The following UNKL variants were observed in gnomAD, a reference collection of about 807,000 sequenced individuals.
The protein encoded by UNKL is unk like zinc finger, also known as putative E3 ubiquitin-protein ligase UNKL.
Under a neutral mutation model 78.0 loss-of-function variants are expected in UNKL, and 60 were observed. The ratio of observed to expected loss-of-function variants is 0.77; its 90% CI spans 0.63 to 0.95. UNKL has a LOEUF of 0.95. UNKL is among the 40% of genes least tolerant of loss of function. The pLI is 0.00. For synonymous variants in UNKL, 608 were observed against 474.8 expected, an observed-to-expected ratio of 1.28 and a Z score of -3.65; for missense variants, 1,159 against 1,045.7, an observed-to-expected ratio of 1.11 and a Z score of -1.49.
At position 1,395,873 on chromosome 16, in the gene UNKL, C is replaced by A. The variant is rs766528243; in HGVS notation, c.852+1305G>T. ...CAGAAAGCATGATGCGCGTCTGTGA[C>A]AACATGAGTCAAGAAACGACGGGAA... On this transcript the variant is annotated intron_variant, in intron 6 of 14. Coordinates refer to ENST00000389221, the MANE Select transcript of UNKL (RefSeq NM_001372107.1). The A allele has an allele frequency of 6.0e-4, 250 of 417,668 alleles. 1 individual carries two copies. The highest frequency in any genetic ancestry group is 1.1e-3 in the Non-Finnish European group (211 of 199,868). 25.9% of individuals were successfully genotyped at this position (417,668 alleles called of 1,614,324 possible).
At chr16:1,371,299 G>T (rs1156331626) in intron 11 of UNKL, among the ~76,000 whole-genome samples, 1 of 152,200 alleles carries the variant, frequency 6.6e-6, no homozygotes, top group Non-Finnish European at 1.5e-5. Flanking sequence ...GGGAAAGGGA[G>T]AGGCAGTCAG....
Position 1,370,245 on chromosome 16 carries a change from G to C in UNKL, c.1470C>G (p.Ser490=). ...SASTSPLGSL[S]QPLPGPVGSS... is the part of the protein sequence containing the mutation. The stretch of plus-strand genomic sequence containing the variant: ...AGCCCACCGGCCCTGGGAGGGGCTG[G>C]GACAGCGAACCGAGCGGCGAGGTGG... The change falls in exon 12 of 15, where the codon TCC becomes TCG. Residue 490 remains serine (S), a synonymous_variant. Coordinates refer to ENST00000389221, the MANE Select transcript of UNKL (RefSeq NM_001372107.1). 6 of 1,535,188 alleles carry C rather than the reference G, an allele frequency of 3.9e-6. No homozygotes were observed. Among genetic ancestry groups the C allele is most frequent in the Non-Finnish European group, 5.2e-6 (6 of 1,142,892 alleles).
intron 10 of UNKL, among the ~76,000 whole-genome samples, chr16:1,375,179 G>A (rs558994217): frequency 5.9e-5 from 9 of 152,288 alleles, no homozygotes; most frequent in South Asian, 4.1e-4. Context: ...TGGCCCCAGC[G>A]GAGCACAGGC....
rs2037610031 is a variant in UNKL at position 1,403,241 on chromosome 16, A to G, written c.391T>C (p.Cys131Arg). ...CIHETDARGHCVKNGLHCAFA... is the reference protein window; with the variant it reads ...CIHETDARGHRVKNGLHCAFA... ...GCACAGTGCAGCCCATTCTTCACGC[A>G]GTGGCCACGTGCGTCTGTCTCGTGG... is the stretch of plus-strand genomic sequence containing the variant. The change falls in exon 3 of 15, where the codon TGC (cysteine) becomes CGC (arginine). Residue 131 changes from cysteine (C) to arginine (R), a missense_variant. Cys to Arg is a radical substitution (Grantham distance 180). Coordinates refer to ENST00000389221, the MANE Select transcript of UNKL (RefSeq NM_001372107.1). This position sits in a 1 kb window ranked among gnomAD's most constrained non-coding sequence, Gnocchi z 4.8. 1 of 1,614,062 alleles carries G rather than the reference A, an allele frequency of 6.2e-7. No homozygotes were observed. The highest frequency in any genetic ancestry group is 1.7e-5 in the Admixed American group (1 of 60,004).
chr16:1,414,384 T>C (rs2038184212), intron 1 of UNKL, among the ~76,000 whole-genome samples: 1 of 151,440 alleles, frequency 6.6e-6, no homozygotes, highest in African/African-American at 2.4e-5. Context: ...GGGGCGTTCC[T>C]CCCTCCCCAG....
chr16:1,411,830 A>T (rs1288634202), intron 2 of UNKL: 2 of 152,394 alleles, frequency 1.3e-5, no homozygotes, highest in African/African-American at 4.8e-5. Flanking sequence ...CAAAACAAAA[A>T]CAAAACAAAC....
At chr16:1,380,366 C>T (rs1255000765) in intron 10 of UNKL, among the ~76,000 whole-genome samples, 3 of 152,168 alleles carry the variant, frequency 2.0e-5, no homozygotes, top group Non-Finnish European at 4.4e-5. Flanking sequence ...CGCAGCCAGG[C>T]GGGCCTACAC....
chr16:1,398,730 G>C, intron 5 of UNKL: 1 of 1,247,026 alleles, frequency 8.0e-7, no homozygotes, highest in Non-Finnish European at 1.0e-6. Flanking sequence ...AGGCAAGCCA[G>C]GCCAGGCACA....
chr16:1,397,864 C>T (rs989526167), intron 5 of UNKL, among the ~76,000 whole-genome samples: 1 of 152,202 alleles, frequency 6.6e-6, no homozygotes, highest in African/African-American at 2.4e-5. Context: ...CATGGTTCCT[C>T]GTGTGCCCAG....
intron 9 of UNKL, 68 bp downstream of exon 9, chr16:1,390,564 C>G: frequency 6.7e-7 from 1 of 1,497,268 alleles, no homozygotes. Context: ...GGGTCAGGCA[C>G]GAGGGCGGGA....
intron 6 of UNKL, chr16:1,394,636 C>T (rs566900889): frequency 2.7e-4 from 109 of 408,200 alleles, no homozygotes; most frequent in South Asian, 2.0e-3. Flanking sequence ...AGGTCAACAA[C>T]ACTTAAGACC....
chr16:1,409,803 G>A lies in UNKL; in HGVS notation c.287+4043C>T, dbSNP rs571151954. Among the ~76,000 whole-genome samples the A allele has an allele frequency of 6.6e-5, 10 of 152,196 alleles. No individual in the cohort carries two copies. The East Asian group carries it at 7.7e-4, about 12-fold the overall frequency. On this transcript the variant is annotated intron_variant, in intron 2 of 14. Transcript: ENST00000389221. Reference sequence around the variant, plus strand: ...CTCCGCAACAAAAACTTATGAGGCCGGGCGCGGTGGCTCATGTCTGTAATC... The same window carrying A: ...CTCCGCAACAAAAACTTATGAGGCCAGGCGCGGTGGCTCATGTCTGTAATC...
chr16:1,405,802 G>A (rs938599035), intron 2 of UNKL: 10 of 366,364 alleles, frequency 2.7e-5, no homozygotes, highest in Non-Finnish European at 3.9e-5. Flanking sequence ...CATGGGCACC[G>A]CTCTGCCTCA....
intron 10 of UNKL, among the ~76,000 whole-genome samples, chr16:1,375,022 C>T (rs1215631023): frequency 1.3e-5 from 2 of 152,226 alleles, no homozygotes; most frequent in Non-Finnish European, 1.5e-5. Context: ...GCTTCTCCTC[C>T]CTGGAAGCAG....
At chr16:1,377,796 G>A (rs1045987285) in intron 10 of UNKL, among the ~76,000 whole-genome samples, 5 of 152,116 alleles carry the variant, frequency 3.3e-5, no homozygotes, top group South Asian at 2.1e-4. Context: ...CCCACTGCAG[G>A]CCCTTCCCAG....
intron 5 of UNKL, chr16:1,398,738 A>G: frequency 7.9e-7 from 1 of 1,261,550 alleles, no homozygotes; most frequent in Non-Finnish European, 1.0e-6. Flanking sequence ...CAGGCCAGGC[A>G]CAACCAGAAG....
At position 1,399,619 on chromosome 16, in the gene UNKL, G is replaced by A. The variant is rs1055748064; in HGVS notation, c.599-110C>T. The A allele has an allele frequency of 2.0e-6, 3 of 1,494,874 alleles. No individual in the cohort carries two copies. In the African/African-American group the frequency reaches 4.2e-5, roughly 21 times the overall value. 92.6% of individuals were successfully genotyped at this position (1,494,874 alleles called of 1,614,324 possible). On this transcript the variant is annotated intron_variant, in intron 4 of 14. Coordinates refer to ENST00000389221, the MANE Select transcript of UNKL (RefSeq NM_001372107.1). This position sits in a 1 kb window ranked among gnomAD's most constrained non-coding sequence, Gnocchi z 5.8. ...GTCCCCCAAATGGAAGGGGCTGCAG[G>A]AGGACTTGGGGAGCGCAGACACACG...
intron 1 of UNKL, 133 bp from the exon 2 acceptor site, chr16:1,414,188 C>A (rs1337929312): frequency 2.2e-6 from 2 of 908,080 alleles, no homozygotes; most frequent in Non-Finnish European, 3.2e-6. Context: ...CGGCGGGCCC[C>A]AGGCGCTGCG....
Position 1,364,974 on chromosome 16 carries a change from T to G in UNKL, c.*1266A>C, listed in dbSNP as rs2035124531. On this transcript the variant is annotated 3_prime_UTR_variant, in exon 15 of 15. Transcript: ENST00000389221. Reference sequence around the variant, plus strand: ...ACAAAGCACCATTGCCTAGGACAGCTCTGAGTAATCAGAAAACAGCTTTTT... The same window carrying G: ...ACAAAGCACCATTGCCTAGGACAGCGCTGAGTAATCAGAAAACAGCTTTTT... 1 of 150,504 alleles carries G rather than the reference T, an allele frequency of 6.6e-6. No homozygotes were observed. The highest frequency in any genetic ancestry group is 2.4e-5 in the African/African-American group (1 of 40,910). The allele number at this position is 150,504 out of a possible 1,614,324, so 9.3% of individuals were successfully genotyped here.
Sources: gnomAD v4.1 joint callset for allele counts (sites outside exome capture counted in the v4.1 genomes callset) on GRCh38, gnomAD v4.1.1 for gene constraint, Gnocchi (gnomAD v3.1) non-coding constraint, MANE v1.5 for transcripts, NCBI Gene and HGNC (gene_info 2026-07-23, HGNC 2026-07-21) for gene names.